The following RYR2 variants were observed in gnomAD, a reference collection of about 807,000 sequenced individuals.
RYR2 encodes cardiac muscle ryanodine receptor-calcium release channel.
RYR2 carries 227 observed loss-of-function variants against 601.1 expected under a neutral mutation model. The ratio of observed to expected loss-of-function variants is 0.38; its 90% CI spans 0.34 to 0.42. The LOEUF (loss-of-function observed/expected upper bound fraction) is 0.42, where lower values mean the gene tolerates loss of function less well. RYR2 is among the 10% of genes least tolerant of loss of function. The pLI, the probability that RYR2 is intolerant of heterozygous loss-of-function variation, is 1.00. For synonymous variants in RYR2, 2,223 were observed against 2,175.1 expected (o/e 1.02, Z -0.61); for missense variants, 4,646 against 6,156.5 (o/e 0.75, Z 8.21).
At chr1:237,105,879 A>G (rs1668618747) in intron 1 of RYR2, among the ~76,000 whole-genome samples, 1 of 151,500 alleles carries the variant, frequency 6.6e-6, no homozygotes, top group Non-Finnish European at 1.5e-5. Flanking sequence ...AAACATAGTT[A>G]TCAGAGTGGG....
chr1:237,390,450 A>T (rs1702284523), intron 10 of RYR2, among the ~76,000 whole-genome samples: 1 of 152,224 alleles, frequency 6.6e-6, no homozygotes, highest in African/African-American at 2.4e-5. Context: ...GGCTATTGAA[A>T]AGACTAAATA....
chr1:237,508,593 A>C (rs1341573790), intron 23 of RYR2, among the ~76,000 whole-genome samples: 1 of 152,036 alleles, frequency 6.6e-6, no homozygotes, highest in Non-Finnish European at 1.5e-5. Flanking sequence ...TATGTTTTGC[A>C]GTGGAACCTT....
chr1:237,417,274 T>C (rs533974875), intron 11 of RYR2, among the ~76,000 whole-genome samples, 151 bp downstream of exon 11: 1 of 152,236 alleles, frequency 6.6e-6, no homozygotes, highest in African/African-American at 2.4e-5. Context: ...CTCTTTTGTC[T>C]ATTTCCTTCC....
intron 38 of RYR2, among the ~76,000 whole-genome samples, chr1:237,617,852 A>G (rs1001635335): frequency 6.6e-6 from 1 of 152,124 alleles, no homozygotes; most frequent in Non-Finnish European, 1.5e-5. Flanking sequence ...TGTGCCTACC[A>G]TAGAAGAAAC....
chr1:237,754,768 C>G (rs942454034), intron 80 of RYR2, among the ~76,000 whole-genome samples: 1 of 152,094 alleles, frequency 6.6e-6, no homozygotes, highest in Non-Finnish European at 1.5e-5. Flanking sequence ...GAAGAGCAGA[C>G]GAAAGGGTCC....
intron 17 of RYR2, among the ~76,000 whole-genome samples, chr1:237,470,593 G>T (rs1338551657): frequency 6.6e-6 from 1 of 152,166 alleles, no homozygotes; most frequent in African/African-American, 2.4e-5. Context: ...GGTGTTAAGA[G>T]TATCATAACA....
intron 2 of RYR2, among the ~76,000 whole-genome samples, chr1:237,303,292 CTTTT>C (rs386370109): frequency 1.9e-3 from 166 of 85,228 alleles, no homozygotes; most frequent in African/African-American, 7.5e-3. Context: ...CTGCGGTTAT[CTTTT>C]TTTTTTTTTT....
At chr1:237,653,603 G>A (rs1232944585) in intron 51 of RYR2, among the ~76,000 whole-genome samples, 1 of 152,148 alleles carries the variant, frequency 6.6e-6, no homozygotes, top group East Asian at 1.9e-4. Context: ...AGAACTAATA[G>A]GATAGATGTA....
At chr1:237,768,830 G>C (rs979125607) in intron 84 of RYR2, among the ~76,000 whole-genome samples, 1 of 152,118 alleles carries the variant, frequency 6.6e-6, no homozygotes, top group African/African-American at 2.4e-5. Flanking sequence ...ATCACCTGAT[G>C]GTAAACGAAG....
At chr1:237,154,873 G>A (rs80030840) in intron 1 of RYR2, among the ~76,000 whole-genome samples, 2,102 of 152,272 alleles carry the variant, frequency 0.014, 26 homozygotes, top group Non-Finnish European at 0.021. Flanking sequence ...AGTTGTTTAA[G>A]TTCCTCTGTA....
At chr1:237,398,032 A>G (rs1703023846) in intron 10 of RYR2, among the ~76,000 whole-genome samples, 1 of 152,124 alleles carries the variant, frequency 6.6e-6, no homozygotes, top group East Asian at 1.9e-4. Flanking sequence ...ATAATTTGGT[A>G]TCTTGTTGTC....
intron 38 of RYR2, among the ~76,000 whole-genome samples, chr1:237,623,491 T>C (rs945632950): frequency 2.1e-5 from 3 of 145,914 alleles, no homozygotes; most frequent in African/African-American, 7.5e-5. Flanking sequence ...CCTCCCAGGT[T>C]CAAACAATTC....
At chr1:237,272,133 G>T (rs1176445402) in intron 2 of RYR2, among the ~76,000 whole-genome samples, 1 of 151,976 alleles carries the variant, frequency 6.6e-6, no homozygotes, top group Non-Finnish European at 1.5e-5. Flanking sequence ...CTGTCAAAAA[G>T]AAAAGAAAAA....
At chr1:237,512,153 G>A (rs1006975624) in intron 24 of RYR2, among the ~76,000 whole-genome samples, 1 of 152,130 alleles carries the variant, frequency 6.6e-6, no homozygotes, top group African/African-American at 2.4e-5. Flanking sequence ...GACTAAATAA[G>A]ATATTAAGAG....
Position 237,388,117 on chromosome 1 carries a change from T to G in RYR2, c.707T>G (p.Leu236Trp), listed in dbSNP as rs1702090456. The change falls in exon 10 of 105, where the codon TTG becomes TGG. Residue 236 changes from leucine to tryptophan, a missense_variant. Around this residue, in one of 17 missense-constraint regions of RYR2, gnomAD observed 87 missense variants for 144.7 expected, o/e 0.60. Coordinates refer to ENST00000366574, the MANE Select transcript of RYR2 (RefSeq NM_001035.3). Reference protein sequence around the residue: ...GYLIGGDVLRLLHGHMDECLT... With the variant: ...GYLIGGDVLRWLHGHMDECLT... ...CTCATTGGTGGTGATGTCCTCAGGT[T>G]GCTGCATGGACACATGGACGAGTGT... is the stretch of plus-strand genomic sequence containing the variant. 1 of 1,613,850 alleles carries G rather than the reference T, an allele frequency of 6.2e-7. No homozygotes were observed. The highest frequency in any genetic ancestry group is 1.7e-5 in the Admixed American group (1 of 59,994).
chr1:237,263,981 A>T (rs555532075), intron 1 of RYR2, among the ~76,000 whole-genome samples: 40 of 152,264 alleles, frequency 2.6e-4, no homozygotes, highest in African/African-American at 9.1e-4. Flanking sequence ...GCTATTTTAG[A>T]TAGGGCGACC....
chr1:237,655,763 C>T, intron 52 of RYR2, 58 bp from the exon 53 acceptor site: 1 of 1,485,764 alleles, frequency 6.7e-7, no homozygotes, highest in South Asian at 1.3e-5. Context: ...CCCTGATGAT[C>T]ATGCTGACAA....
chr1:237,657,376 C>T (rs992104001), intron 53 of RYR2, among the ~76,000 whole-genome samples: 4 of 151,786 alleles, frequency 2.6e-5, no homozygotes, highest in Non-Finnish European at 4.4e-5. Flanking sequence ...TTCATAGATA[C>T]GTTTTAAGCC....
intron 1 of RYR2, among the ~76,000 whole-genome samples, chr1:237,157,318 AAAAG>A (rs1427314634): frequency 0.03 from 4,228 of 139,748 alleles, 108 homozygotes; most frequent in Non-Finnish European, 0.047. Context: ...AAAAAAAAAA[AAAAG>A]AAAGAAAGAA....
Sources: gnomAD v4.1 joint callset for allele counts (sites outside exome capture counted in the v4.1 genomes callset) on GRCh38, gnomAD v4.1.1 for gene constraint, gnomAD v4.1.1 regional missense constraint, MANE v1.5 for transcripts, NCBI Gene and HGNC (gene_info 2026-07-23, HGNC 2026-07-21) for gene names.